Variants in SEMA6D observed in about 807,000 individuals in gnomAD.
The protein encoded by SEMA6D is semaphorin-6D.
Under a neutral mutation model 106.6 loss-of-function variants are expected in SEMA6D, and 35 were observed. The observed-to-expected ratio is 0.33, with a 90% CI of 0.25 to 0.44. The LOEUF is 0.44. SEMA6D is among the 20% of genes least tolerant of loss of function. The pLI is 1.00. For missense variants in SEMA6D, 1,185 were observed against 1,345.9 expected (o/e 0.88, Z 1.87); for synonymous variants, 499 against 487.7 (o/e 1.02, Z -0.31).
chr15:47,378,309 A>G (rs1220210162), intron 1 of SEMA6D, among the ~76,000 whole-genome samples: 1 of 152,188 alleles, frequency 6.6e-6, no homozygotes, highest in Non-Finnish European at 1.5e-5. Context: ...CAGCCTAGCT[A>G]ACATGGAGAA....
chr15:47,381,827 AC>A (rs1595872989), intron 1 of SEMA6D, among the ~76,000 whole-genome samples: 1 of 152,154 alleles, frequency 6.6e-6, no homozygotes. Flanking sequence ...CTGAGGGGTG[AC>A]TAAGGAGTCA....
intron 1 of SEMA6D, among the ~76,000 whole-genome samples, chr15:47,723,863 C>T (rs1186800275): frequency 6.6e-6 from 1 of 152,114 alleles, no homozygotes; most frequent in Non-Finnish European, 1.5e-5. Flanking sequence ...ATAATAAGGC[C>T]TCAGGAAGAT....
In SEMA6D at chr15:47,772,808, C is replaced by G. The variant is rs1194169582; in HGVS notation, c.*1023C>G. On this transcript the variant is annotated 3_prime_UTR_variant, in exon 19 of 19. Coordinates refer to ENST00000536845, the MANE Select transcript of SEMA6D (RefSeq NM_001358351.3). ...TATTTTGATTGTGTTCGTTTCCCCC[C>G]CCCCAATAGTAAAATTTCTCCTCCT... is the stretch of plus-strand genomic sequence containing the variant. The G allele has an allele frequency of 8.4e-6, 1 of 119,602 alleles. No homozygotes were observed. The highest frequency in any genetic ancestry group is 1.7e-5 in the Non-Finnish European group (1 of 59,336). 7.4% of individuals were successfully genotyped at this position (119,602 alleles called of 1,614,324 possible). A position where few individuals can be genotyped will look rare whatever the true frequency, so the allele number is the denominator to read the frequency against.
At chr15:47,496,551 A>G (rs1315275067) in intron 3 of SEMA6D, among the ~76,000 whole-genome samples, 3 of 151,966 alleles carry the variant, frequency 2.0e-5, no homozygotes, top group Non-Finnish European at 2.9e-5. Context: ...TCCGATACCA[A>G]TGACTCAGTC....
intron 2 of SEMA6D, among the ~76,000 whole-genome samples, chr15:47,427,832 A>C (rs2041390916): frequency 6.6e-6 from 1 of 152,098 alleles, no homozygotes; most frequent in Non-Finnish European, 1.5e-5. Context: ...GTAGTGAAGA[A>C]ATTCTTATTT....
chr15:47,394,437 T>C (rs1333071426), intron 1 of SEMA6D, among the ~76,000 whole-genome samples: 1 of 152,042 alleles, frequency 6.6e-6, no homozygotes. Flanking sequence ...TTCTGAAGAG[T>C]GCTGGATTCG....
intron 1 of SEMA6D, among the ~76,000 whole-genome samples, chr15:47,406,958 A>AAAC (rs374147364): frequency 2.0e-5 from 3 of 152,154 alleles, no homozygotes; most frequent in South Asian, 2.1e-4. Context: ...ACAAAAATAA[A>AAAC]AACAACAACA....
chr15:47,360,367 G>A (rs1228823251), intron 1 of SEMA6D, among the ~76,000 whole-genome samples: 1 of 152,184 alleles, frequency 6.6e-6, no homozygotes, highest in Non-Finnish European at 1.5e-5. Context: ...TTAGACCCAT[G>A]CTCTCCAATG....
chr15:47,218,556 C>G (rs1457232851), intron 1 of SEMA6D, among the ~76,000 whole-genome samples: 1 of 152,174 alleles, frequency 6.6e-6, no homozygotes, highest in African/African-American at 2.4e-5. Context: ...CATTATTTCT[C>G]CATTTTGCCT....
chr15:47,700,284 G>A (rs1172915469), intron 4 of SEMA6D, among the ~76,000 whole-genome samples: 1 of 152,138 alleles, frequency 6.6e-6, no homozygotes, highest in East Asian at 1.9e-4. Flanking sequence ...ACTGATTCTT[G>A]GGAGGCCAAG....
intron 1 of SEMA6D, among the ~76,000 whole-genome samples, chr15:47,336,466 C>T (rs950716363): frequency 6.6e-6 from 1 of 152,138 alleles, no homozygotes; most frequent in African/African-American, 2.4e-5. Context: ...TGAGCACCTC[C>T]CAGCAACAAC....
At chr15:47,629,913 G>A (rs2077264655) in intron 4 of SEMA6D, among the ~76,000 whole-genome samples, 1 of 151,842 alleles carries the variant, frequency 6.6e-6, no homozygotes, top group Non-Finnish European at 1.5e-5. Context: ...GTATTCCTTT[G>A]TGTATGTATA....
chr15:47,646,122 C>T (rs961130856), intron 4 of SEMA6D, among the ~76,000 whole-genome samples: 1 of 152,060 alleles, frequency 6.6e-6, no homozygotes, highest in Non-Finnish European at 1.5e-5. Context: ...TCTATCCTCC[C>T]CAGAGGTTGG....
At chr15:47,441,663 A>C (rs1046195299) in intron 2 of SEMA6D, among the ~76,000 whole-genome samples, 8 of 152,098 alleles carry the variant, frequency 5.3e-5, no homozygotes, top group African/African-American at 1.9e-4. Flanking sequence ...AATATACTGA[A>C]ATGTTTTATG....
chr15:47,395,204 C>G (rs1206023261), intron 1 of SEMA6D, among the ~76,000 whole-genome samples: 1 of 152,160 alleles, frequency 6.6e-6, no homozygotes, highest in East Asian at 1.9e-4. Context: ...CTACACTGTT[C>G]TAACAAGCAC....
chr15:47,241,654 A>G (rs1197733016), intron 1 of SEMA6D, among the ~76,000 whole-genome samples: 1 of 151,966 alleles, frequency 6.6e-6, no homozygotes, highest in African/African-American at 2.4e-5. Flanking sequence ...GGAGAGGAGA[A>G]AGAGAGATAG....
At chr15:47,379,812 C>T (rs2039575780) in intron 1 of SEMA6D, among the ~76,000 whole-genome samples, 1 of 152,154 alleles carries the variant, frequency 6.6e-6, no homozygotes, top group African/African-American at 2.4e-5. Context: ...GGCTGGAGTG[C>T]AATGGCGCAA....
At chr15:47,381,867 T>C (rs2039651543) in intron 1 of SEMA6D, among the ~76,000 whole-genome samples, 1 of 152,188 alleles carries the variant, frequency 6.6e-6, no homozygotes, top group South Asian at 2.1e-4. Context: ...ACTCCTCTTG[T>C]GCATAGTTAG....
chr15:47,306,966 T>C (rs11070578), intron 1 of SEMA6D, among the ~76,000 whole-genome samples: 66,065 of 152,082 alleles, frequency 0.43, 16,681 homozygotes, highest in Non-Finnish European at 0.56. Flanking sequence ...GGCAGTGTAT[T>C]TTAGTATTTA....
Sources: allele counts gnomAD v4.1 joint callset (sites outside exome capture counted in the v4.1 genomes callset), GRCh38; gene constraint gnomAD v4.1.1; transcripts MANE v1.5; gene names NCBI Gene and HGNC (gene_info 2026-07-23, HGNC 2026-07-21).